Variants in DNAJC13 observed in about 807,000 individuals in gnomAD.
DNAJC13 encodes dnaJ homolog subfamily C member 13.
A neutral mutation model predicts 290.5 loss-of-function variants in DNAJC13; 75 were observed. The observed-to-expected ratio is 0.26, with a 90% CI of 0.21 to 0.31. The LOEUF (loss-of-function observed/expected upper bound fraction) is 0.31. Among genes scored for constraint, DNAJC13 ranks in the 10% least tolerant of loss-of-function variants. The pLI is 1.00. For synonymous variants in DNAJC13, 862 were observed against 892.0 expected, an observed-to-expected ratio of 0.97 and a Z score of 0.60; for missense variants, 2,260 against 2,674.5, an observed-to-expected ratio of 0.85 and a Z score of 3.42.
intron 26 of DNAJC13, 36 bp downstream of exon 26, chr3:132,480,506 T>G: frequency 6.9e-7 from 1 of 1,456,220 alleles, no homozygotes; most frequent in Non-Finnish European, 9.6e-7. Context: ...AAATTTAACG[T>G]TCTTTGAGTA....
intron 1 of DNAJC13, among the ~76,000 whole-genome samples, chr3:132,418,911 C>T (rs1007121403): frequency 1.3e-5 from 2 of 152,012 alleles, no homozygotes; most frequent in East Asian, 1.9e-4. Flanking sequence ...CAGAATTTGC[C>T]TTAAAAAAAT....
At chr3:132,447,591 T>G (rs1249649985) in intron 4 of DNAJC13, 121 bp downstream of exon 4, 1 of 1,035,150 alleles carries the variant, frequency 9.7e-7, no homozygotes, top group African/African-American at 1.7e-5. Context: ...TATTTTTTTC[T>G]TACTGACCTT....
At chr3:132,528,386 T>C (rs1936323287) in intron 54 of DNAJC13, 54 bp downstream of exon 54, 2 of 1,603,944 alleles carry the variant, frequency 1.2e-6, no homozygotes, top group South Asian at 1.1e-5. Context: ...GTCTTGGCCA[T>C]GGATGGTCCA....
At chr3:132,471,334 G>T (rs1303545650) in intron 20 of DNAJC13, among the ~76,000 whole-genome samples, 2 of 143,386 alleles carry the variant, frequency 1.4e-5, no homozygotes, top group Non-Finnish European at 3.1e-5. Flanking sequence ...GGCTGGCCGG[G>T]CGGGGGGTTG....
At chr3:132,434,200 A>G (rs1396968285) in intron 1 of DNAJC13, among the ~76,000 whole-genome samples, 3 of 140,854 alleles carry the variant, frequency 2.1e-5, no homozygotes, top group Non-Finnish European at 4.5e-5. Flanking sequence ...ACAGTGCGAG[A>G]CTCCATCTCA....
rs1933752663 is a variant in DNAJC13, at chr3:132,460,470, G to A, written c.1557+113G>A. On this transcript the variant is annotated intron_variant, in intron 14 of 55. Coordinates refer to ENST00000260818, the MANE Select transcript of DNAJC13 (RefSeq NM_015268.4). ...TTTTTTATTGTAGCCCCCAGCTTTGGTCAGTATTGGTCACAGTTCAGCTTG... is the reference window on the plus strand; with the variant it reads ...TTTTTTATTGTAGCCCCCAGCTTTGATCAGTATTGGTCACAGTTCAGCTTG... The A allele has an allele frequency of 9.2e-6, 6 of 651,630 alleles. No homozygotes were observed. The South Asian group carries it at 1.3e-4, about 14-fold the overall frequency. 40.4% of individuals were successfully genotyped at this position (651,630 alleles called of 1,614,324 possible).
chr3:132,446,579 T>G (rs1380206289), intron 3 of DNAJC13, 29 bp downstream of exon 3: 2 of 1,486,402 alleles, frequency 1.3e-6, no homozygotes, highest in South Asian at 2.4e-5. Flanking sequence ...GTTAGGTGTT[T>G]GTATGAACTC....
chr3:132,436,827 A>G (rs1311003748), intron 2 of DNAJC13, among the ~76,000 whole-genome samples: 5 of 151,768 alleles, frequency 3.3e-5, no homozygotes, highest in South Asian at 2.1e-4. Context: ...TTCTTTGATG[A>G]AATAATCTAT....
rs200915520 is a variant in DNAJC13 at position 132,422,510 on chromosome 3, GT to G, written c.-14+4754del. 2.6e-5 allele frequency among the ~76,000 whole-genome samples: 4 copies of G among 152,122 alleles called. No homozygotes were observed. The East Asian group carries it at 7.7e-4, about 29-fold the overall frequency. ...CTTTAGTTCAAAATTTTAATCAGTG[GT>G]TTTCAACATATTTTTTCTGTTTCAG... On this transcript the variant is annotated intron_variant, in intron 1 of 55. Coordinates refer to ENST00000260818, the MANE Select transcript of DNAJC13 (RefSeq NM_015268.4).
At chr3:132,519,354 C>T (rs2107740470) in intron 48 of DNAJC13, among the ~76,000 whole-genome samples, 1 of 152,236 alleles carries the variant, frequency 6.6e-6, no homozygotes, top group Admixed American at 6.5e-5. Context: ...ATCTGCATTT[C>T]CCTGGTGGCT....
chr3:132,521,750 G>A (rs995069147), intron 48 of DNAJC13, among the ~76,000 whole-genome samples: 2 of 152,162 alleles, frequency 1.3e-5, no homozygotes. Flanking sequence ...TTATATTTCA[G>A]CACAATACTC....
chr3:132,437,621 A>C (rs1209064037), intron 2 of DNAJC13, among the ~76,000 whole-genome samples: 1 of 152,178 alleles, frequency 6.6e-6, no homozygotes, highest in Non-Finnish European at 1.5e-5. Flanking sequence ...TCAGTTTACC[A>C]TGACTGTTTA....
chr3:132,437,165 C>T (rs1939406118), intron 2 of DNAJC13, among the ~76,000 whole-genome samples: 1 of 152,140 alleles, frequency 6.6e-6, no homozygotes, highest in Non-Finnish European at 1.5e-5. Flanking sequence ...AGGTGTGAGC[C>T]ACTGCGCTCA....
Position 132,469,257 on chromosome 3 carries a change from A to C in DNAJC13, c.2208+1944A>C, listed in dbSNP as rs1173249798. On this transcript the variant is annotated intron_variant, in intron 20 of 55. Transcript: ENST00000260818. Reference sequence around the variant, plus strand: ...AACACTAACATCAAAGTTTGGAATGATCTTATGCTGTAGTTAGAGTCTGAA... The same window carrying C: ...AACACTAACATCAAAGTTTGGAATGCTCTTATGCTGTAGTTAGAGTCTGAA... Among the ~76,000 whole-genome samples the C allele has an allele frequency of 3.3e-5, 5 of 152,222 alleles. No homozygotes were observed. In the East Asian group the frequency reaches 9.6e-4, roughly 29 times the overall value.
At chr3:132,457,086 C>CT (rs2107669927) in intron 12 of DNAJC13, among the ~76,000 whole-genome samples, 183 bp from the exon 13 acceptor site, 1 of 152,152 alleles carries the variant, frequency 6.6e-6, no homozygotes, top group South Asian at 2.1e-4. Flanking sequence ...TTAGTTAACC[C>CT]TAAAAAATAT....
At chr3:132,501,463 C>T (rs1179982542) in intron 39 of DNAJC13, among the ~76,000 whole-genome samples, 3 of 151,942 alleles carry the variant, frequency 2.0e-5, no homozygotes, top group Non-Finnish European at 4.4e-5. Flanking sequence ...GTTTAGCTGG[C>T]ATGCTGACAC....
chr3:132,463,663 CACCT>C (rs745307882), intron 16 of DNAJC13, 29 bp from the exon 17 acceptor site: 1 of 1,581,476 alleles, frequency 6.3e-7, no homozygotes, highest in South Asian at 1.2e-5. Context: ...CCTGGATTGC[CACCT>C]TAGGGATCAT....
At chr3:132,506,221 T>A (rs1430609310) in intron 42 of DNAJC13, among the ~76,000 whole-genome samples, 1 of 151,174 alleles carries the variant, frequency 6.6e-6, no homozygotes, top group Non-Finnish European at 1.5e-5. Context: ...CCTGGCTAAT[T>A]TTGTATTTTT....
intron 1 of DNAJC13, among the ~76,000 whole-genome samples, chr3:132,428,395 A>G (rs1939159235): frequency 1.3e-5 from 2 of 152,194 alleles, no homozygotes; most frequent in Non-Finnish European, 2.9e-5. Context: ...GAAAATGTGG[A>G]TAGGCTAATA....
Sources: gnomAD v4.1 joint callset for allele counts (sites outside exome capture counted in the v4.1 genomes callset) on GRCh38, gnomAD v4.1.1 for gene constraint, MANE v1.5 for transcripts, NCBI Gene and HGNC (gene_info 2026-07-23, HGNC 2026-07-21) for gene names.